The following NFYC variants were observed in gnomAD, a reference collection of about 807,000 sequenced individuals.
NFYC encodes CAAT box DNA-binding protein subunit C.
In NFYC, 25 loss-of-function variants were observed where a neutral mutation model predicts 53.1. The observed-to-expected ratio is 0.47, with a 90% CI of 0.34 to 0.66. The LOEUF (loss-of-function observed/expected upper bound fraction) is 0.66. Among genes scored for constraint, NFYC ranks in the 30% least tolerant of loss-of-function variants. The pLI, the probability that NFYC is intolerant of heterozygous loss-of-function variation, is 0.01. For synonymous variants in NFYC, 145 were observed against 152.6 expected (o/e 0.95, Z 0.37); for missense variants, 260 against 422.7 (o/e 0.62, Z 3.38).
At chr1:40,769,294 G>A in intron 8 of NFYC, 62 bp from the exon 9 acceptor site, 2 of 1,517,330 alleles carry the variant, frequency 1.3e-6, no homozygotes, top group Non-Finnish European at 1.8e-6. Flanking sequence ...TCTTTTGGGT[G>A]GTGGGCTGGT....
chr1:40,696,574 T>A (rs145101017), intron 1 of NFYC, among the ~76,000 whole-genome samples: 1 of 152,206 alleles, frequency 6.6e-6, no homozygotes, highest in African/African-American at 2.4e-5. Context: ...TAGGTGCTCA[T>A]TCCACTGGAT....
intron 1 of NFYC, among the ~76,000 whole-genome samples, chr1:40,727,446 G>A (rs916797165): frequency 6.6e-6 from 1 of 151,802 alleles, no homozygotes; most frequent in African/African-American, 2.4e-5. Flanking sequence ...TGGTTTTGAA[G>A]TCCTGAGCTA....
rs58438852 is a variant in NFYC at position 40,707,480 on chromosome 1, CAA to C, written c.-9+15626_-9+15627del. Reference sequence around the variant, plus strand: ...AGGCAACAGAGTGAGACTCCATCTCCAAAAAAAAAAAAAAGAGAGAGAGAGAG... The same window carrying C: ...AGGCAACAGAGTGAGACTCCATCTCCAAAAAAAAAAAAGAGAGAGAGAGAG... On this transcript the variant is annotated intron_variant, in intron 1 of 9. Coordinates refer to ENST00000447388, the MANE Select transcript of NFYC (RefSeq NM_014223.5). Among the ~76,000 whole-genome samples the C allele has an allele frequency of 2.5e-4, 22 of 86,542 alleles. No individual in the cohort carries two copies. In the East Asian group the frequency reaches 3.9e-3, roughly 15 times the overall value. The allele number at this position is 86,542 out of a possible 152,430, so 56.8% of individuals were successfully genotyped here.
intron 1 of NFYC, among the ~76,000 whole-genome samples, chr1:40,714,791 A>T (rs1310405370): frequency 1.3e-5 from 2 of 152,210 alleles, no homozygotes; most frequent in Admixed American, 6.5e-5. Context: ...TTAAAAAAAA[A>T]TTTTGAGGGC....
intron 1 of NFYC, among the ~76,000 whole-genome samples, chr1:40,703,823 A>G (rs1643562369): frequency 6.6e-6 from 1 of 152,172 alleles, no homozygotes; most frequent in African/African-American, 2.4e-5. Context: ...CACATTCCAG[A>G]TAATATGTTG....
At chr1:40,757,625 G>A (rs1646298258) in intron 5 of NFYC, among the ~76,000 whole-genome samples, 1 of 152,206 alleles carries the variant, frequency 6.6e-6, no homozygotes, top group South Asian at 2.1e-4. Context: ...TTTCAGCTCA[G>A]GAAAAGCCCT....
chr1:40,697,037 G>A (rs756365035), intron 1 of NFYC, among the ~76,000 whole-genome samples: 12 of 152,228 alleles, frequency 7.9e-5, no homozygotes, highest in Non-Finnish European at 1.6e-4. Flanking sequence ...ATTGGAGTCA[G>A]ACCAAGGGAA....
chr1:40,729,692 T>C (rs906381297), intron 1 of NFYC, among the ~76,000 whole-genome samples: 3 of 152,118 alleles, frequency 2.0e-5, no homozygotes, highest in Middle Eastern at 3.2e-3. Context: ...TTTTTTTTTT[T>C]TGAACCGGAG....
At chr1:40,753,338 T>C in intron 5 of NFYC, 92 bp downstream of exon 5, 1 of 805,322 alleles carries the variant, frequency 1.2e-6, no homozygotes, top group South Asian at 1.6e-5. Context: ...CACAAGTCAT[T>C]TGCTATTCCT....
intron 6 of NFYC, among the ~76,000 whole-genome samples, chr1:40,760,266 A>T (rs1256707083): frequency 6.6e-6 from 1 of 152,154 alleles, no homozygotes; most frequent in African/African-American, 2.4e-5. Context: ...TAGGAGGTAG[A>T]TTTAAGTAAT....
chr1:40,716,979 T>C (rs1385850138), intron 1 of NFYC, among the ~76,000 whole-genome samples: 2 of 152,118 alleles, frequency 1.3e-5, no homozygotes, highest in African/African-American at 4.8e-5. Flanking sequence ...GAAAAGAAGA[T>C]AGATTTGATT....
intron 1 of NFYC, among the ~76,000 whole-genome samples, chr1:40,715,005 G>A (rs1482391880): frequency 1.3e-5 from 2 of 152,062 alleles, no homozygotes; most frequent in South Asian, 2.1e-4. Flanking sequence ...GCATGAATCC[G>A]GGAGGCGGAG....
At chr1:40,736,485 G>A (rs943582259) in intron 1 of NFYC, among the ~76,000 whole-genome samples, 41 of 152,114 alleles carry the variant, frequency 2.7e-4, no homozygotes, top group Non-Finnish European at 5.6e-4. Context: ...TTTGCTTTCA[G>A]CCCCTCAGAA....
chr1:40,751,871 G>T (rs1645931907), intron 4 of NFYC, among the ~76,000 whole-genome samples: 1 of 152,076 alleles, frequency 6.6e-6, no homozygotes. Flanking sequence ...CATCTTAAAT[G>T]AGTTCTGGCA....
intron 1 of NFYC, among the ~76,000 whole-genome samples, chr1:40,720,221 T>C (rs1644280140): frequency 1.3e-5 from 2 of 152,224 alleles, no homozygotes; most frequent in African/African-American, 4.8e-5. Context: ...TGTATCTGAA[T>C]GAGCAGAATC....
chr1:40,734,870 A>T (rs1363942821), intron 1 of NFYC: 1 of 152,180 alleles, frequency 6.6e-6, no homozygotes, highest in Non-Finnish European at 1.5e-5. Context: ...TTTCCTGGTG[A>T]GAAGAACTTG....
intron 4 of NFYC, among the ~76,000 whole-genome samples, chr1:40,751,651 G>C (rs144617722): frequency 1.3e-3 from 205 of 152,200 alleles, no homozygotes; most frequent in African/African-American, 4.9e-3. Flanking sequence ...TGGCTCAAGC[G>C]ATCCTCCTGC....
chr1:40,763,344 A>C, intron 7 of NFYC: 1 of 459,364 alleles, frequency 2.2e-6, no homozygotes, highest in African/African-American at 2.0e-5. Flanking sequence ...CGCATGCATA[A>C]TCCTTTTTTT....
At chr1:40,763,121 TATATGTATATCTCTATATATACCTTG>T in intron 7 of NFYC, 75 bp downstream of exon 7, 1 of 1,278,340 alleles carries the variant, frequency 7.8e-7, no homozygotes, top group Non-Finnish European at 1.1e-6. Context: ...CCTTGATATA[TATATGTATATCTCTATATATACCTTG>T]ATATGTATAT....
Sources: allele counts gnomAD v4.1 joint callset (sites outside exome capture counted in the v4.1 genomes callset), GRCh38; gene constraint gnomAD v4.1.1; transcripts MANE v1.5; gene names NCBI Gene and HGNC (gene_info 2026-07-23, HGNC 2026-07-21).